The following POLQ variants were observed in gnomAD, a reference collection of about 807,000 sequenced individuals.
The protein encoded by POLQ is DNA polymerase theta, also known as epididymis secretory sperm binding protein.
Under a neutral mutation model 259.2 loss-of-function variants are expected in POLQ, and 233 were observed. That is an observed-to-expected ratio of 0.90 (90% CI 0.81 to 1.00). The LOEUF is 1.00. Among genes scored for constraint, POLQ ranks in the 50% least tolerant of loss-of-function variants. The pLI is 0.00. For missense variants in POLQ, 2,871 were observed against 3,051.6 expected, an observed-to-expected ratio of 0.94 and a Z score of 1.39; for synonymous variants, 1,025 against 1,048.8, an observed-to-expected ratio of 0.98 and a Z score of 0.44.
intron 25 of POLQ, among the ~76,000 whole-genome samples, chr3:121,453,268 G>T (rs564147815): frequency 4.7e-4 from 72 of 152,134 alleles, no homozygotes; most frequent in Middle Eastern, 3.4e-3. Flanking sequence ...ACCAAAAGTA[G>T]ATAAAACCAC....
At chr3:121,527,849 A>C (rs145038685) in intron 7 of POLQ, among the ~76,000 whole-genome samples, 71 of 152,304 alleles carry the variant, frequency 4.7e-4, no homozygotes, top group Non-Finnish European at 8.7e-4. Context: ...AAGAAACATG[A>C]TAAATTACTT....
chr3:121,513,600 CAAAAAAAAAAAAAAAA>C (rs59962408), intron 9 of POLQ, among the ~76,000 whole-genome samples: 4 of 51,542 alleles, frequency 7.8e-5, no homozygotes, highest in East Asian at 8.4e-4. Context: ...GACTCTATCT[CAAAAAAAAAAAAAAAA>C]AAAAAAAAAA....
chr3:121,474,414 C>T (rs1259214848), intron 20 of POLQ, among the ~76,000 whole-genome samples: 1 of 152,192 alleles, frequency 6.6e-6, no homozygotes, highest in African/African-American at 2.4e-5. Context: ...CCATGTAACA[C>T]TCACAAGCTC....
At chr3:121,523,114 C>T (rs1334039414) in intron 7 of POLQ, among the ~76,000 whole-genome samples, 3 of 152,124 alleles carry the variant, frequency 2.0e-5, no homozygotes, top group Non-Finnish European at 4.4e-5. Context: ...CTCCTGGGCT[C>T]AAGCAATCCT....
chr3:121,433,178 G>A (rs1322928166), intron 28 of POLQ, 145 bp from the exon 29 acceptor site: 1 of 619,868 alleles, frequency 1.6e-6, no homozygotes, highest in Non-Finnish European at 2.9e-6. Context: ...ATAACTACTT[G>A]CTGGTCGCTA....
chr3:121,449,310 A>C lies in POLQ; in HGVS notation c.7264+5T>G. 2.8e-5 allele frequency: 37 copies of C among 1,332,760 alleles called. No individual in the cohort carries two copies. Among genetic ancestry groups the C allele is most frequent in the Non-Finnish European group, 3.6e-5 (33 of 924,676 alleles). 82.6% of individuals were successfully genotyped at this position (1,332,760 alleles called of 1,614,324 possible). A position where few individuals can be genotyped will look rare whatever the true frequency, so the allele number is the denominator to read the frequency against. On this transcript the variant is annotated splice_donor_5th_base_variant and intron_variant, in intron 26 of 29. Transcript: ENST00000264233. ...GAAAAGAATACTATCTAGAAGATAAATTACCTGTGTATCTGGATTTGAAGG... is the reference window on the plus strand; with the variant it reads ...GAAAAGAATACTATCTAGAAGATAACTTACCTGTGTATCTGGATTTGAAGG...
chr3:121,478,670 G>A (rs1278567960), intron 19 of POLQ, among the ~76,000 whole-genome samples: 1 of 151,028 alleles, frequency 6.6e-6, no homozygotes, highest in Non-Finnish European at 1.5e-5. Flanking sequence ...ACCTAGAAAG[G>A]TTAAAAGGGA....
At chr3:121,449,484 G>T (rs142427428) in intron 25 of POLQ, 58 bp from the exon 26 acceptor site, 38 of 933,974 alleles carry the variant, frequency 4.1e-5, no homozygotes, top group Admixed American at 9.6e-5. Flanking sequence ...CAAATAAAAG[G>T]GTTCATTAGG....
At chr3:121,437,205 A>G (rs1013972002) in intron 27 of POLQ, among the ~76,000 whole-genome samples, 6 of 152,298 alleles carry the variant, frequency 3.9e-5, no homozygotes, top group Admixed American at 3.3e-4. Context: ...CCTGTCTTTA[A>G]GAAAAACAAA....
At chr3:121,473,230 A>T (rs932301111) in intron 21 of POLQ, 120 bp downstream of exon 21, 4 of 904,204 alleles carry the variant, frequency 4.4e-6, no homozygotes, top group Non-Finnish European at 6.6e-6. Context: ...GTGTTAATTT[A>T]TATCTGGGTA....
At chr3:121,484,327 T>C (rs1235300047) in intron 17 of POLQ, among the ~76,000 whole-genome samples, 2 of 152,188 alleles carry the variant, frequency 1.3e-5, no homozygotes, top group Non-Finnish European at 2.9e-5. Context: ...TTTATATAAT[T>C]CGACTACTAT....
At chr3:121,512,664 G>A (rs1560103955) in intron 9 of POLQ, among the ~76,000 whole-genome samples, 2 of 152,294 alleles carry the variant, frequency 1.3e-5, no homozygotes, top group East Asian at 3.9e-4. Flanking sequence ...ATCAAATAAA[G>A]TTTATATGCC....
rs1050161712 is a variant in POLQ, at chr3:121,441,832, C to G, written c.7265-1716G>C. 1.8e-4 allele frequency among the ~76,000 whole-genome samples: 28 copies of G among 152,150 alleles called. 1 individual carries two copies. The highest frequency in any genetic ancestry group is 1.4e-3 in the Admixed American group (21 of 15,278). On this transcript the variant is annotated intron_variant, in intron 26 of 29. Transcript: ENST00000264233. ...CATACTGTTCTCCAAAGTAGTTTTA[C>G]CATTTTACAAATAAATGAACAACGT...
rs760619822 is a variant in POLQ, at chr3:121,473,366, T to C, written c.6527A>G (p.Gln2176Arg). ...DNGRKLRLGR[Q>R]FSTSKDVLNK... ...AAAGAGCACCTTACTAGTGCTGAACTGTCTTCCCAGCCTTAGCTTGCGTCC... is the reference window on the plus strand; with the variant it reads ...AAAGAGCACCTTACTAGTGCTGAACCGTCTTCCCAGCCTTAGCTTGCGTCC... The change falls in exon 21 of 30, where the codon CAG (glutamine) becomes CGG (arginine). Residue 2176 changes from glutamine (Q) to arginine (R), a missense_variant. Physicochemically the swap from Gln to Arg is conservative, Grantham distance 43. Transcript: ENST00000264233. 2 of 1,613,918 alleles carry C rather than the reference T, an allele frequency of 1.2e-6. No individual in the cohort carries two copies. Among genetic ancestry groups the C allele is most frequent in the South Asian group, 2.2e-5 (2 of 90,972 alleles).
intron 24 of POLQ, among the ~76,000 whole-genome samples, chr3:121,461,649 C>CAAAAAAAAAAA (rs61467705): frequency 1.3e-5 from 1 of 77,928 alleles, no homozygotes; most frequent in African/African-American, 4.7e-5. Flanking sequence ...GACTCCGTCT[C>CAAAAAAAAAAA]AAAAAAAAAA....
At chr3:121,458,583 A>T (rs1440662558) in intron 25 of POLQ, among the ~76,000 whole-genome samples, 2 of 152,190 alleles carry the variant, frequency 1.3e-5, no homozygotes, top group Non-Finnish European at 2.9e-5. Context: ...AGAATTAAAT[A>T]TGGGAATATT....
At position 121,457,076 on chromosome 3, in the gene POLQ, G is replaced by A. The variant is rs568275524; in HGVS notation, c.7152+2974C>T. On this transcript the variant is annotated intron_variant, in intron 25 of 29. Coordinates refer to ENST00000264233, the MANE Select transcript of POLQ (RefSeq NM_199420.4). ...ACAGAACAGAGCCCTCAGAAATAAC[G>A]CCGCATATCTACAACTATCTGATCT... Among the ~76,000 whole-genome samples, 390 of 152,174 alleles carry A rather than the reference G, an allele frequency of 2.6e-3. 2 individuals carry two copies. The highest frequency in any genetic ancestry group is 8.0e-3 in the African/African-American group (332 of 41,506).
intron 19 of POLQ, 103 bp from the exon 20 acceptor site, chr3:121,476,836 G>T (rs1257019678): frequency 2.6e-6 from 2 of 762,696 alleles, no homozygotes; most frequent in Admixed American, 2.9e-5. Context: ...ATCCAGAAAT[G>T]CTACCAAGGT....
chr3:121,450,307 G>C (rs1421893244), intron 25 of POLQ, among the ~76,000 whole-genome samples: 2 of 151,966 alleles, frequency 1.3e-5, no homozygotes, highest in African/African-American at 4.8e-5. Flanking sequence ...AACATGATAA[G>C]CTAACTAAAG....
Sources: allele counts gnomAD v4.1 joint callset (sites outside exome capture counted in the v4.1 genomes callset), GRCh38; gene constraint gnomAD v4.1.1; transcripts MANE v1.5; gene names NCBI Gene and HGNC (gene_info 2026-07-23, HGNC 2026-07-21).